The following MAP4K5 variants were observed in gnomAD, a reference collection of about 807,000 sequenced individuals.
The protein encoded by MAP4K5 is MAPK/ERK kinase kinase kinase 5.
In MAP4K5, 82 loss-of-function variants were observed where a neutral mutation model predicts 135.6. That is an observed-to-expected ratio of 0.60 (90% CI 0.51 to 0.73). MAP4K5 has a LOEUF of 0.73. MAP4K5 is among the 30% of genes least tolerant of loss of function. The pLI is 0.00. For missense variants in MAP4K5, 907 were observed against 1,010.9 expected, an observed-to-expected ratio of 0.90 and a Z score of 1.39; for synonymous variants, 347 against 335.0, an observed-to-expected ratio of 1.04 and a Z score of -0.39.
intron 1 of MAP4K5, among the ~76,000 whole-genome samples, chr14:50,551,623 G>T (rs2038703771): frequency 6.6e-6 from 1 of 152,016 alleles, no homozygotes. Flanking sequence ...GCAAAAAATT[G>T]TAACAAAATA....
chr14:50,437,832 G>T, intron 25 of MAP4K5, 62 bp downstream of exon 25: 1 of 1,053,846 alleles, frequency 9.5e-7, no homozygotes, highest in Non-Finnish European at 1.5e-6. Flanking sequence ...AAGAAATACG[G>T]GCTATTTTTA....
chr14:50,476,378 A>T, intron 6 of MAP4K5, 72 bp from the exon 7 acceptor site: 1 of 723,576 alleles, frequency 1.4e-6, no homozygotes, highest in Non-Finnish European at 2.1e-6. Flanking sequence ...TTTTCTACTT[A>T]AATTCTTATT....
chr14:50,497,646 C>G (rs142002009), intron 3 of MAP4K5, among the ~76,000 whole-genome samples: 2,053 of 152,286 alleles, frequency 0.013, 48 homozygotes, highest in African/African-American at 0.047. Flanking sequence ...ACACTACCTT[C>G]TCTGCTTATA....
intron 12 of MAP4K5, among the ~76,000 whole-genome samples, chr14:50,463,148 A>C (rs2036749717): frequency 6.6e-6 from 1 of 152,232 alleles, no homozygotes; most frequent in South Asian, 2.1e-4. Flanking sequence ...AGAAAAAAGC[A>C]TGTATATCAT....
At chr14:50,456,029 C>T (rs2036587893) in intron 14 of MAP4K5, among the ~76,000 whole-genome samples, 1 of 152,036 alleles carries the variant, frequency 6.6e-6, no homozygotes, top group African/African-American at 2.4e-5. Context: ...CCCAAATGTA[C>T]AGTGAGAGTA....
intron 1 of MAP4K5, among the ~76,000 whole-genome samples, chr14:50,558,297 T>C (rs2038789759): frequency 6.6e-6 from 1 of 152,130 alleles, no homozygotes; most frequent in Non-Finnish European, 1.5e-5. Flanking sequence ...AGGTGGAGGT[T>C]GTAGTGAGCT....
intron 9 of MAP4K5, among the ~76,000 whole-genome samples, chr14:50,471,205 A>T (rs559871182): frequency 6.6e-6 from 1 of 152,186 alleles, no homozygotes; most frequent in Non-Finnish European, 1.5e-5. Flanking sequence ...TTCTACTCTC[A>T]CTGCCAAATA....
Position 50,484,691 on chromosome 14 carries a change from T to A in MAP4K5, c.322+887A>T, listed in dbSNP as rs140256312. On this transcript the variant is annotated intron_variant, in intron 5 of 32. Transcript: ENST00000682126. ...GTATTCCATATTACAGGTTGAAGAG[T>A]AGTTTATTTAACCACTGCTCTATTG... is the stretch of plus-strand genomic sequence containing the variant. 9.5e-3 allele frequency among the ~76,000 whole-genome samples: 1,442 copies of A among 152,154 alleles called. 59 individuals carry two copies. Among genetic ancestry groups the A allele is most frequent in the Admixed American group, 0.08 (1,224 of 15,284 alleles).
chr14:50,536,530 A>T (rs1156399639), upstream of MAP4K5, among the ~76,000 whole-genome samples: 1 of 152,154 alleles, frequency 6.6e-6, no homozygotes, highest in Non-Finnish European at 1.5e-5. Context: ...ACTGGGTAAC[A>T]GGCAGAGGTT....
chr14:50,491,923 G>A (rs2037493273), intron 3 of MAP4K5, among the ~76,000 whole-genome samples: 1 of 152,044 alleles, frequency 6.6e-6, no homozygotes, highest in Non-Finnish European at 1.5e-5. Context: ...CTGAGCTCAG[G>A]CGATCTGCCT....
chr14:50,424,348 G>T (rs1355060981), intron 31 of MAP4K5, among the ~76,000 whole-genome samples: 5 of 152,068 alleles, frequency 3.3e-5, no homozygotes, highest in African/African-American at 1.2e-4. Flanking sequence ...CTTTATGAAA[G>T]AGGTCAAGAC....
At chr14:50,433,282 G>A (rs1409576805) in intron 28 of MAP4K5, among the ~76,000 whole-genome samples, 5 of 152,232 alleles carry the variant, frequency 3.3e-5, no homozygotes, top group African/African-American at 9.6e-5. Context: ...AGTGCAGGTG[G>A]AGGTAGAAGG....
intron 9 of MAP4K5, chr14:50,472,491 A>C (rs1342721413): frequency 6.6e-6 from 1 of 152,190 alleles, no homozygotes; most frequent in Non-Finnish European, 1.5e-5. Context: ...TACTGAAGAA[A>C]AACCTATGAA....
At position 50,418,844 on chromosome 14, in the gene MAP4K5, T is replaced by C. The variant is rs1056911225; in HGVS notation, c.*1175A>G. The C allele has an allele frequency of 3.3e-5, 5 of 152,206 alleles. No individual in the cohort carries two copies. Among genetic ancestry groups the C allele is most frequent in the Non-Finnish European group, 7.4e-5 (5 of 68,022 alleles). 9.4% of individuals were successfully genotyped at this position (152,206 alleles called of 1,614,324 possible). ...AAGACAACAGGTACCAATGTAACAC[T>C]TTAATTTTGAATATTAACAATAGCA... On this transcript the variant is annotated 3_prime_UTR_variant, in exon 33 of 33. Transcript: ENST00000682126.
chr14:50,483,206 AAG>A (rs1244573612), intron 5 of MAP4K5: 9 of 152,202 alleles, frequency 5.9e-5, no homozygotes, highest in African/African-American at 2.2e-4. Context: ...CACCTATCAA[AAG>A]AGAGGCTTGA....
At chr14:50,560,556 C>G in intron 1 of MAP4K5, 2 of 534,752 alleles carry the variant, frequency 3.7e-6, no homozygotes, top group African/African-American at 1.9e-5. Context: ...CCCCACCCCC[C>G]TCCCGCCTCC....
At chr14:50,497,852 C>A (rs1472569615) in intron 3 of MAP4K5, among the ~76,000 whole-genome samples, 1 of 151,850 alleles carries the variant, frequency 6.6e-6, no homozygotes, top group Non-Finnish European at 1.5e-5. Flanking sequence ...AGGGAACAAA[C>A]CAAAAGGGTA....
chr14:50,503,337 G>A (rs1956252), intron 3 of MAP4K5, among the ~76,000 whole-genome samples: 150,103 of 152,160 alleles, frequency 0.99, 74,066 homozygotes, highest in Middle Eastern at 1. Flanking sequence ...TTGGGGGACA[G>A]GTTGAAATAT....
rs1566641754 is a variant in MAP4K5 at position 50,440,430 on chromosome 14, T to A, written c.1576A>T (p.Ile526Phe). ...IHPDTKDQYIIFGTEDGIYTL... is the reference protein window; with the variant it reads ...IHPDTKDQYIFFGTEDGIYTL... ...TAAATACCATCTTCAGTTCCAAAAA[T>A]AATGTACTGATCTAAAATAGTTGAG... The change falls in exon 22 of 33, where the codon ATT becomes TTT. Residue 526 changes from isoleucine (I) to phenylalanine (F), a missense_variant. Ile to Phe is a conservative substitution (Grantham distance 21). Around this residue, in one of 3 missense-constraint regions of MAP4K5, gnomAD observed 690 missense variants for 777.4 expected, o/e 0.89. Transcript: ENST00000682126. The A allele has an allele frequency of 6.4e-7, 1 of 1,570,240 alleles. No homozygotes were observed. Among genetic ancestry groups the A allele is most frequent in the East Asian group, 2.3e-5 (1 of 44,050 alleles).
Sources: allele counts gnomAD v4.1 joint callset (sites outside exome capture counted in the v4.1 genomes callset), GRCh38; gene constraint gnomAD v4.1.1; regional missense constraint gnomAD v4.1.1; transcripts MANE v1.5; gene names NCBI Gene and HGNC (gene_info 2026-07-23, HGNC 2026-07-21).